BRAF: variants seen among roughly 807,000 people sequenced by gnomAD.
BRAF encodes the protein serine/threonine-protein kinase B-raf.
Under a neutral mutation model 104.6 loss-of-function variants are expected in BRAF, and 16 were observed. The observed-to-expected ratio is 0.15, with a 90% CI of 0.10 to 0.23. The LOEUF (loss-of-function observed/expected upper bound fraction) is 0.23, where lower values mean the gene tolerates loss of function less well. BRAF is among the 10% of genes least tolerant of loss of function. BRAF has a pLI of 1.00. For synonymous variants in BRAF, 310 were observed against 341.6 expected, an observed-to-expected ratio of 0.91 and a Z score of 1.02; for missense variants, 541 against 937.3, an observed-to-expected ratio of 0.58 and a Z score of 5.52.
intron 3 of BRAF, among the ~76,000 whole-genome samples, chr7:140,827,163 A>T (rs1806149661): frequency 6.6e-6 from 1 of 152,176 alleles, no homozygotes. Context: ...AGACTACCTA[A>T]AAGTTCTACT....
At chr7:140,856,701 C>T (rs1011538447) in intron 1 of BRAF, among the ~76,000 whole-genome samples, 1 of 151,926 alleles carries the variant, frequency 6.6e-6, no homozygotes. Context: ...ATGAAAGACA[C>T]GAAGCACAAA....
At chr7:140,717,907 G>C (rs945029663), downstream of BRAF, among the ~76,000 whole-genome samples, 1 of 152,092 alleles carries the variant, frequency 6.6e-6, no homozygotes, top group African/African-American at 2.4e-5. Flanking sequence ...TATTTTTAGC[G>C]TGGGTGTCTT....
intron 14 of BRAF, among the ~76,000 whole-genome samples, chr7:140,763,770 A>T (rs1219902823): frequency 3.3e-5 from 5 of 152,212 alleles, no homozygotes; most frequent in Non-Finnish European, 7.3e-5. Context: ...CTCTGAATAG[A>T]CCAATAACAG....
intron 14 of BRAF, among the ~76,000 whole-genome samples, chr7:140,765,920 TACCATTTG>T (rs1360284171): frequency 7.1e-6 from 1 of 141,576 alleles, no homozygotes; most frequent in Non-Finnish European, 1.5e-5. Flanking sequence ...GAACTAGAAA[TACCATTTG>T]ACCCAGCCAT....
At chr7:140,740,227 C>T (rs768784664) in intron 17 of BRAF, 16 of 367,496 alleles carry the variant, frequency 4.4e-5, no homozygotes, top group Non-Finnish European at 7.1e-5. Context: ...TTCCCACTCA[C>T]AGGGTAACCA....
chr7:140,727,374 G>T (rs1795662395), intron 19 of BRAF, among the ~76,000 whole-genome samples: 1 of 151,766 alleles, frequency 6.6e-6, no homozygotes, highest in African/African-American at 2.4e-5. Flanking sequence ...AGTAGAGATG[G>T]GGTTTCACCA....
At position 140,924,625 on chromosome 7, in the gene BRAF, C is replaced by T. The variant is rs1247014863; in HGVS notation, c.79G>A (p.Ala27Thr). The T allele has an allele frequency of 1.3e-6, 2 of 1,519,830 alleles. No homozygotes were observed. The highest frequency in any genetic ancestry group is 4.9e-5 in the East Asian group (2 of 40,422). The allele number at this position is 1,519,830 out of a possible 1,614,324, so 94.1% of individuals were successfully genotyped here. Reference protein sequence around the residue: ...ALFNGDMEPEAGAGAGAAASS... With the variant: ...ALFNGDMEPETGAGAGAAASS... Reference sequence around the variant, plus strand: ...GCCGCGGCGCCGGCGCCGGCGCCGGCCTCGGGCTCCATGTCCCCGTTGAAC... The same window carrying T: ...GCCGCGGCGCCGGCGCCGGCGCCGGTCTCGGGCTCCATGTCCCCGTTGAAC... Residue 27 changes from alanine (A) to threonine (T), a missense_variant, in exon 1 of 20, where the codon GCC becomes ACC. Ala to Thr is a moderately conservative substitution (Grantham distance 58). This residue lies in a region of BRAF where 82 missense variants were observed against 65.9 expected (regional missense o/e 1.24). Transcript: ENST00000644969. This position sits in a 1 kb window ranked among gnomAD's most constrained non-coding sequence, Gnocchi z 4.2.
chr7:140,734,806 A>AAG, intron 18 of BRAF, 36 bp from the exon 18 acceptor site: 10 of 1,460,186 alleles, frequency 6.8e-6, no homozygotes, highest in Non-Finnish European at 8.9e-6. Context: ...AGAAAAAAAA[A>AAG]GAAAAAAGAA....
chr7:140,875,516 T>C (rs1260515874), intron 1 of BRAF, among the ~76,000 whole-genome samples: 1 of 152,174 alleles, frequency 6.6e-6, no homozygotes, highest in Non-Finnish European at 1.5e-5. Context: ...GCTGGGATTA[T>C]AGGTGCCCGC....
intron 10 of BRAF, among the ~76,000 whole-genome samples, chr7:140,783,875 A>G (rs1477793830): frequency 1.3e-5 from 2 of 152,254 alleles, no homozygotes; most frequent in Non-Finnish European, 2.9e-5. Context: ...AGTAAGCGCT[A>G]TGGCCTCTCA....
chr7:140,848,379 A>C (rs549299224), intron 2 of BRAF, among the ~76,000 whole-genome samples: 8 of 152,362 alleles, frequency 5.3e-5, no homozygotes, highest in Admixed American at 2.0e-4. Context: ...TCCAGTACCT[A>C]GTATCTTGCT....
At chr7:140,895,617 T>C (rs1317693756) in intron 1 of BRAF, among the ~76,000 whole-genome samples, 3 of 152,238 alleles carry the variant, frequency 2.0e-5, no homozygotes, top group African/African-American at 2.4e-5. Context: ...TCCTCTGTTA[T>C]ACTTTTTACT....
chr7:140,748,698 G>C (rs1797547805), intron 17 of BRAF, among the ~76,000 whole-genome samples: 4 of 152,106 alleles, frequency 2.6e-5, no homozygotes. Flanking sequence ...CTGAGGCAGA[G>C]ATAGAAAAGG....
chr7:140,867,778 G>A (rs991590989), intron 1 of BRAF, among the ~76,000 whole-genome samples: 1 of 152,066 alleles, frequency 6.6e-6, no homozygotes, highest in Non-Finnish European at 1.5e-5. Context: ...AGCAAAATTG[G>A]TATGTGCAAC....
chr7:140,852,382 C>T (rs1465609898), intron 1 of BRAF, among the ~76,000 whole-genome samples: 2 of 127,846 alleles, frequency 1.6e-5, no homozygotes, highest in Non-Finnish European at 3.2e-5. Flanking sequence ...CGCCACCCCA[C>T]AACCTGCCAA....
Position 140,765,441 on chromosome 7 carries a change from G to T in BRAF, c.1815-11208C>A, listed in dbSNP as rs1339008286. ...AAGCAATGGCAACAAAAGCCAAAATGGACAAATGGGATCTAACTAAACTAA... is the reference window on the plus strand; with the variant it reads ...AAGCAATGGCAACAAAAGCCAAAATTGACAAATGGGATCTAACTAAACTAA... On this transcript the variant is annotated intron_variant, in intron 14 of 19. Coordinates refer to ENST00000644969, the MANE Select transcript of BRAF (RefSeq NM_001374258.1). Among the ~76,000 whole-genome samples, 684 of 152,104 alleles carry T rather than the reference G, an allele frequency of 4.5e-3. 2 individuals are homozygous for T. The highest frequency in any genetic ancestry group is 0.014 in the African/African-American group (589 of 41,470).
intron 1 of BRAF, among the ~76,000 whole-genome samples, chr7:140,909,414 G>A (rs760922470): frequency 7.9e-5 from 12 of 151,952 alleles, no homozygotes; most frequent in Non-Finnish European, 1.0e-4. Context: ...GCAAAACTCC[G>A]TCACAAAAAT....
In BRAF at chr7:140,764,291, C is replaced by T. The variant is rs1370888106; in HGVS notation, c.1815-10058G>A. Among the ~76,000 whole-genome samples, 89 of 151,344 alleles carry T rather than the reference C, an allele frequency of 5.9e-4. 1 individual carries two copies. The highest frequency in any genetic ancestry group is 2.1e-3 in the African/African-American group (85 of 41,052). ...CTCAATAAATTAGGTATTGATGGGA[C>T]GTATCTCAAAATATTAAGAGCTATC... On this transcript the variant is annotated intron_variant, in intron 14 of 19. Transcript: ENST00000644969.
intron 1 of BRAF, among the ~76,000 whole-genome samples, chr7:140,876,562 A>G (rs1342578831): frequency 3.3e-5 from 5 of 152,250 alleles, no homozygotes; most frequent in African/African-American, 1.2e-4. Flanking sequence ...AACTATATGT[A>G]GTCTACGAGT....
Sources: allele counts gnomAD v4.1 joint callset (sites outside exome capture counted in the v4.1 genomes callset), GRCh38; gene constraint gnomAD v4.1.1; regional missense constraint gnomAD v4.1.1; non-coding constraint Gnocchi (gnomAD v3.1); transcripts MANE v1.5; gene names NCBI Gene and HGNC (gene_info 2026-07-23, HGNC 2026-07-21).